The following MAML3 variants were observed in gnomAD, a reference collection of about 807,000 sequenced individuals.
MAML3 encodes the protein mastermind like transcriptional coactivator 3, also known as mastermind-like protein 3.
In MAML3, 27 loss-of-function variants were observed where a neutral mutation model predicts 101.9. That is an observed-to-expected ratio of 0.27 (90% confidence interval 0.20 to 0.37). The LOEUF (loss-of-function observed/expected upper bound fraction) is 0.37. Among genes scored for constraint, MAML3 ranks in the 10% least tolerant of loss-of-function variants. The pLI is 1.00. For synonymous variants in MAML3, 501 were observed against 555.9 expected, an observed-to-expected ratio of 0.90 and a Z score of 1.39; for missense variants, 1,316 against 1,444.9, an observed-to-expected ratio of 0.91 and a Z score of 1.45.
chr4:140,057,179 T>C (rs1727364165), intron 1 of MAML3, among the ~76,000 whole-genome samples: 1 of 152,172 alleles, frequency 6.6e-6, no homozygotes, highest in Non-Finnish European at 1.5e-5. Flanking sequence ...GGGCGGTTAA[T>C]GTGGGAGGAT....
intron 1 of MAML3, among the ~76,000 whole-genome samples, chr4:140,145,551 T>TTTTTGTTTTGTTTTG (rs370089585): frequency 7.6e-6 from 1 of 131,110 alleles, no homozygotes; most frequent in African/African-American, 2.7e-5. Context: ...TTTTGAGATT[T>TTTTTGTTTTGTTTTG]TTTTGTTTTG....
intron 2 of MAML3, among the ~76,000 whole-genome samples, chr4:139,795,339 T>C (rs1282737571): frequency 2.0e-5 from 3 of 152,206 alleles, no homozygotes; most frequent in African/African-American, 7.2e-5. Flanking sequence ...AAAACAAAAG[T>C]ATAAGGATGT....
rs535575277 is a variant in MAML3 at position 140,144,939 on chromosome 4, G to A, written c.468+7921C>T. ...CAGCCTTTTAGATTCACTCTCAATC[G>A]CTGAGCTACTTTCAGCATCTAACAA... On this transcript the variant is annotated intron_variant, in intron 1 of 4. Transcript: ENST00000509479. 3.9e-5 allele frequency among the ~76,000 whole-genome samples: 6 copies of A among 152,202 alleles called. No individual in the cohort carries two copies. In the South Asian group the frequency reaches 1.0e-3, roughly 26 times the overall value.
intron 1 of MAML3, among the ~76,000 whole-genome samples, chr4:140,109,763 G>A (rs1728409885): frequency 6.6e-6 from 1 of 152,140 alleles, no homozygotes; most frequent in Admixed American, 6.5e-5. Context: ...CCAGTTTGAT[G>A]TATAAGATCT....
chr4:140,047,826 G>A (rs6828897), intron 1 of MAML3, among the ~76,000 whole-genome samples: 36,802 of 150,956 alleles, frequency 0.24, 4,716 homozygotes, highest in Admixed American at 0.3. Context: ...AACTTAAATG[G>A]AGTGAAGTTT....
At chr4:139,967,911 G>A (rs1247694775) in intron 1 of MAML3, among the ~76,000 whole-genome samples, 4 of 148,806 alleles carry the variant, frequency 2.7e-5, no homozygotes, top group African/African-American at 7.5e-5. Flanking sequence ...TTCAAGTCAC[G>A]TTAGGGCATC....
intron 1 of MAML3, among the ~76,000 whole-genome samples, chr4:140,070,873 A>T (rs1231898243): frequency 6.6e-6 from 1 of 152,222 alleles, no homozygotes; most frequent in Non-Finnish European, 1.5e-5. Flanking sequence ...TAGGAAGTAG[A>T]AAGGCCCCTT....
At chr4:140,029,576 A>T (rs1047720445) in intron 1 of MAML3, among the ~76,000 whole-genome samples, 10 of 152,198 alleles carry the variant, frequency 6.6e-5, no homozygotes, top group South Asian at 2.1e-4. Context: ...ATTTTGAGAA[A>T]ATATTTCATT....
intron 2 of MAML3, chr4:139,889,103 T>C (rs1482376619): frequency 5.7e-6 from 4 of 700,166 alleles, no homozygotes; most frequent in Non-Finnish European, 1.0e-5. Context: ...GTAATTCTTA[T>C]CTGCAGTTGG....
chr4:139,840,871 G>A (rs1324379390), intron 2 of MAML3, among the ~76,000 whole-genome samples: 1 of 152,196 alleles, frequency 6.6e-6, no homozygotes, highest in Non-Finnish European at 1.5e-5. Context: ...GCATTGTCCT[G>A]CACATAGTTT....
chr4:139,881,547 C>T (rs140686511), intron 2 of MAML3, among the ~76,000 whole-genome samples: 7 of 152,296 alleles, frequency 4.6e-5, no homozygotes, highest in African/African-American at 1.7e-4. Flanking sequence ...TTACAAGCCC[C>T]ATCTAAGCAC....
chr4:139,878,962 G>GAAAAATGAATAACA, intron 2 of MAML3, among the ~76,000 whole-genome samples: 1 of 152,256 alleles, frequency 6.6e-6, no homozygotes, highest in East Asian at 1.9e-4. Context: ...TCCTGAGACA[G>GAAAAATGAATAACA]AAAAATGAAT....
rs902677817 is a variant in MAML3 at position 140,012,309 on chromosome 4, T to C, written c.469-121342A>G. 8.5e-5 allele frequency among the ~76,000 whole-genome samples: 13 copies of C among 152,232 alleles called. No individual in the cohort carries two copies. In the South Asian group the frequency reaches 1.4e-3, roughly 17 times the overall value. On this transcript the variant is annotated intron_variant, in intron 1 of 4. Coordinates refer to ENST00000509479, the MANE Select transcript of MAML3 (RefSeq NM_018717.5). Reference sequence around the variant, plus strand: ...GTTATATTTTATGTGTCAGAGGACATAAATTATGAGTGTTATAGGCTGTAG... The same window carrying C: ...GTTATATTTTATGTGTCAGAGGACACAAATTATGAGTGTTATAGGCTGTAG...
intron 2 of MAML3, among the ~76,000 whole-genome samples, chr4:139,761,731 A>C (rs1051382907): frequency 1.3e-5 from 2 of 152,038 alleles, no homozygotes; most frequent in Non-Finnish European, 2.9e-5. Context: ...ATGCCTGTGA[A>C]ACGGTGAGGC....
chr4:140,108,304 C>T (rs1351653878), intron 1 of MAML3, among the ~76,000 whole-genome samples: 1 of 151,794 alleles, frequency 6.6e-6, no homozygotes, highest in East Asian at 1.9e-4. Context: ...GCAGGCTGTC[C>T]CCTGCTTCGT....
chr4:139,748,049 C>G (rs868650471), intron 2 of MAML3, among the ~76,000 whole-genome samples: 1 of 69,048 alleles, frequency 1.4e-5, no homozygotes, highest in African/African-American at 5.5e-5. Flanking sequence ...AGCAAGACTT[C>G]GTCTAAAAAA....
chr4:140,152,632 C>T (rs1729194920), intron 1 of MAML3, among the ~76,000 whole-genome samples: 1 of 152,092 alleles, frequency 6.6e-6, no homozygotes, highest in African/African-American at 2.4e-5. Flanking sequence ...ACTGGCTTCT[C>T]CCCTCTCGCC....
intron 1 of MAML3, among the ~76,000 whole-genome samples, chr4:140,140,901 T>C (rs1002414724): frequency 2.6e-5 from 4 of 152,130 alleles, no homozygotes; most frequent in African/African-American, 9.7e-5. Flanking sequence ...GACCTCATCA[T>C]AAAACAGCAG....
At position 139,889,713 on chromosome 4, in the gene MAML3, T is replaced by C. The variant is rs1168627611; in HGVS notation, c.1723A>G (p.Met575Val). The C allele has an allele frequency of 1.9e-6, 3 of 1,614,028 alleles. No homozygotes were observed. The highest frequency in any genetic ancestry group is 1.1e-5 in the South Asian group (1 of 91,090). ...TTTGGCTGCTGATTGATCATATTCA[T>C]GTGATTCTGAGGGAGGTAGTTATTC... The part of the protein sequence containing the change: ...TMNNYLPQNH[M>V]NMINQQPNNL... Residue 575 changes from methionine (M) to valine (V), a missense_variant, in exon 2 of 5, where the codon ATG becomes GTG. By Grantham distance (21) the Met-to-Val change is conservative. Transcript: ENST00000509479.
Sources: gnomAD v4.1 joint callset for allele counts (sites outside exome capture counted in the v4.1 genomes callset) on GRCh38, gnomAD v4.1.1 for gene constraint, MANE v1.5 for transcripts, NCBI Gene and HGNC (gene_info 2026-07-23, HGNC 2026-07-21) for gene names.